NLGN4X: variants seen among roughly 807,000 people sequenced by gnomAD.
NLGN4X encodes the protein neuroligin 4 X-linked.
NLGN4X carries 3 observed loss-of-function variants against 40.3 expected under a neutral mutation model. The ratio of observed to expected loss-of-function variants is 0.07; its 90% CI spans 0.03 to 0.19. NLGN4X has a LOEUF of 0.19. Ranked by LOEUF, NLGN4X falls within the 10% of genes least tolerant of loss-of-function variation. The pLI is 1.00. For synonymous variants in NLGN4X, 270 were observed against 306.8 expected, an observed-to-expected ratio of 0.88 and a Z score of 1.25; for missense variants, 382 against 708.3, an observed-to-expected ratio of 0.54 and a Z score of 5.23.
At chrX:6,208,872 A>C (rs1485393447) in intron 1 of NLGN4X, among the ~76,000 whole-genome samples, 1 of 112,110 alleles carries the variant, frequency 8.9e-6, no homozygotes, top group East Asian at 2.8e-4. Flanking sequence ...TAGCAATCCC[A>C]CTACTGGGTA....
At chrX:5,897,992 CCT>C (rs913233420) in intron 5 of NLGN4X, among the ~76,000 whole-genome samples, 3 of 98,890 alleles carry the variant, frequency 3.0e-5, no homozygotes, top group African/African-American at 7.4e-5. Context: ...TCCTCCATTC[CCT>C]TTTTCCTCCC....
At chrX:6,088,067 C>T (rs1372191014) in intron 2 of NLGN4X, among the ~76,000 whole-genome samples, 3 of 112,252 alleles carry the variant, frequency 2.7e-5, no homozygotes, top group Non-Finnish European at 3.8e-5. Context: ...CCGTGGGGCA[C>T]GCATTTTGCA....
intron 1 of NLGN4X, among the ~76,000 whole-genome samples, chrX:6,225,023 CACAT>C (rs1190581029): frequency 0.059 from 3,134 of 53,332 alleles, 53 homozygotes; most frequent in Non-Finnish European, 0.074. Context: ...CACACACACA[CACAT>C]ATATGTAGAA....
At chrX:6,186,448 A>T (rs967730719) in intron 1 of NLGN4X, among the ~76,000 whole-genome samples, 2 of 112,503 alleles carry the variant, frequency 1.8e-5, no homozygotes, top group East Asian at 5.6e-4. Flanking sequence ...TAGCTTATGT[A>T]TAATAACTTA....
rs2031175781 is a variant in NLGN4X, at chrX:5,891,576, G to T, written c.*1241C>A. Reference sequence around the variant, plus strand: ...CACAGAGCCGTATTTACTCCAAGGGGCATAGCCCCACCAAAGGCAAGCTTT... The same window carrying T: ...CACAGAGCCGTATTTACTCCAAGGGTCATAGCCCCACCAAAGGCAAGCTTT... On this transcript the variant is annotated 3_prime_UTR_variant, in exon 6 of 6. Transcript: ENST00000381095. The T allele has an allele frequency of 7.8e-6, 2 of 255,439 alleles. No individual in the cohort carries two copies. Among genetic ancestry groups the T allele is most frequent in the African/African-American group, 2.9e-5 (1 of 34,068 alleles). The allele number at this position is 255,439 out of a possible 1,213,427, so 21.1% of individuals were successfully genotyped here.
chrX:6,097,236 CT>C (rs35401398), intron 2 of NLGN4X, among the ~76,000 whole-genome samples: 4,200 of 97,573 alleles, frequency 0.043, 103 homozygotes, highest in Non-Finnish European at 0.059. Flanking sequence ...GCTTTCTTGG[CT>C]TTTTTTTTTT....
At chrX:6,064,512 G>A (rs1466134336) in intron 2 of NLGN4X, among the ~76,000 whole-genome samples, 1 of 111,864 alleles carries the variant, frequency 8.9e-6, no homozygotes, top group Non-Finnish European at 1.9e-5. Flanking sequence ...AGAAGGGCAG[G>A]TGAGCTAAAG....
chrX:6,225,816 C>A (rs1027950591), intron 1 of NLGN4X, among the ~76,000 whole-genome samples: 1 of 95,995 alleles, frequency 1.0e-5, no homozygotes, highest in Non-Finnish European at 2.0e-5. Context: ...CAACGCGCTC[C>A]GATGTAAACC....
At chrX:6,187,046 C>T (rs948604303) in intron 1 of NLGN4X, 1 of 108,997 alleles carries the variant, frequency 9.2e-6, no homozygotes, top group African/African-American at 3.3e-5. Context: ...CGCCATTCTC[C>T]TGCCTCAGCC....
chrX:5,918,658 AT>A (rs2146805254), intron 3 of NLGN4X, among the ~76,000 whole-genome samples: 1 of 112,244 alleles, frequency 8.9e-6, no homozygotes, highest in Non-Finnish European at 1.9e-5. Flanking sequence ...TATTTATACT[AT>A]TTTTATATGT....
intron 1 of NLGN4X, among the ~76,000 whole-genome samples, chrX:6,225,681 C>CCTTTTTTTTTTT (rs1926161594): frequency 3.0e-5 from 1 of 33,810 alleles, no homozygotes; most frequent in Non-Finnish European, 5.0e-5. Flanking sequence ...TTTTTTCTTT[C>CCTTTTTTTTTTT]TTTTTTTCTT....
intron 3 of NLGN4X, among the ~76,000 whole-genome samples, chrX:5,978,361 TTCTC>T (rs2035275121): frequency 9.6e-6 from 1 of 103,849 alleles, no homozygotes; most frequent in African/African-American, 3.7e-5. Context: ...TTCTCTTTCT[TTCTC>T]TTTCTTCTCT....
chrX:5,927,649 G>A, intron 3 of NLGN4X, among the ~76,000 whole-genome samples: 1 of 112,066 alleles, frequency 8.9e-6, no homozygotes, highest in Non-Finnish European at 1.9e-5. Flanking sequence ...CATCTGCACA[G>A]GCATTAGGAC....
At chrX:5,930,020 T>A (rs965517414) in intron 3 of NLGN4X, among the ~76,000 whole-genome samples, 1 of 112,258 alleles carries the variant, frequency 8.9e-6, no homozygotes, top group Non-Finnish European at 1.9e-5. Flanking sequence ...TTCCTCTTGG[T>A]ATAGAGAGTC....
intron 2 of NLGN4X, among the ~76,000 whole-genome samples, chrX:6,143,975 A>T (rs1164693755): frequency 8.9e-6 from 1 of 111,762 alleles, no homozygotes; most frequent in Non-Finnish European, 1.9e-5. Flanking sequence ...TCAATATAGT[A>T]GTCTCAGCCT....
chrX:6,204,149 G>T, intron 1 of NLGN4X, among the ~76,000 whole-genome samples: 1 of 112,435 alleles, frequency 8.9e-6, no homozygotes, highest in African/African-American at 3.2e-5. Context: ...AGGAAGAAAA[G>T]ATGTTGTATG....
At chrX:6,042,728 T>C (rs112165481) in intron 2 of NLGN4X, among the ~76,000 whole-genome samples, 5,074 of 29,109 alleles carry the variant, frequency 0.17, 349 homozygotes, top group South Asian at 0.26. Flanking sequence ...TATATATATA[T>C]ATACACACAC....
chrX:5,940,791 A>G (rs1226829504), intron 3 of NLGN4X, among the ~76,000 whole-genome samples: 1 of 110,312 alleles, frequency 9.1e-6, no homozygotes, highest in Non-Finnish European at 1.9e-5. Context: ...GACATAGCGT[A>G]AGTCAATGAA....
At chrX:5,983,018 A>T (rs1427911360) in intron 3 of NLGN4X, among the ~76,000 whole-genome samples, 1 of 112,642 alleles carries the variant, frequency 8.9e-6, no homozygotes, top group Non-Finnish European at 1.9e-5. Context: ...ATCACCATGT[A>T]ATGGGGCAAC....
Sources: allele counts gnomAD v4.1 joint callset (sites outside exome capture counted in the v4.1 genomes callset), GRCh38; gene constraint gnomAD v4.1.1; transcripts MANE v1.5; gene names NCBI Gene and HGNC (gene_info 2026-07-23, HGNC 2026-07-21).